ADAMTS14: variants seen among roughly 807,000 people sequenced by gnomAD.
ADAMTS14 encodes the protein ADAM metallopeptidase with thrombospondin type 1 motif 14, also known as A disintegrin and metalloproteinase with thrombospondin motifs 14.
Under a neutral mutation model 128.6 loss-of-function variants are expected in ADAMTS14, and 100 were observed. The observed-to-expected ratio is 0.78, with a 90% CI of 0.66 to 0.92. The LOEUF is 0.92. Among genes scored for constraint, ADAMTS14 ranks in the 40% least tolerant of loss-of-function variants. ADAMTS14 has a pLI of 0.00. For missense variants in ADAMTS14, 1,562 were observed against 1,658.6 expected, an observed-to-expected ratio of 0.94 and a Z score of 1.01; for synonymous variants, 665 against 653.8, an observed-to-expected ratio of 1.02 and a Z score of -0.26.
intron 9 of ADAMTS14, among the ~76,000 whole-genome samples, chr10:70,736,207 C>T (rs1208520161): frequency 6.6e-6 from 1 of 152,202 alleles, no homozygotes; most frequent in African/African-American, 2.4e-5. Flanking sequence ...GGTCATCAAC[C>T]TCTGGCATGG....
At chr10:70,700,048 A>G (rs185772943) in intron 2 of ADAMTS14, among the ~76,000 whole-genome samples, 1 of 152,162 alleles carries the variant, frequency 6.6e-6, no homozygotes, top group Admixed American at 6.5e-5. Flanking sequence ...GGGATAAATC[A>G]TGCAGGGCTT....
rs569361877 is a variant in ADAMTS14, at chr10:70,704,003, C to T, written c.679+1535C>T. Among the ~76,000 whole-genome samples, 6 of 152,192 alleles carry T rather than the reference C, an allele frequency of 3.9e-5. 1 individual carries two copies. Among genetic ancestry groups the T allele is most frequent in the Admixed American group, 1.3e-4 (2 of 15,286 alleles). On this transcript the variant is annotated intron_variant, in intron 3 of 21. Transcript: ENST00000373207. ...CAGTGTGGGGAGAAGCATTTCTAGG[C>T]GTGCCTGTCTCCATTTCACAGCTTG...
intron 7 of ADAMTS14, 48 bp downstream of exon 7, chr10:70,732,407 C>T (rs773633054): frequency 2.0e-6 from 3 of 1,504,118 alleles, no homozygotes; most frequent in South Asian, 2.3e-5. Flanking sequence ...GTGCCGTGAG[C>T]TCCAGGGAAT....
At chr10:70,746,469 G>A (rs1023426493) in intron 15 of ADAMTS14, among the ~76,000 whole-genome samples, 1 of 152,130 alleles carries the variant, frequency 6.6e-6, no homozygotes, top group Non-Finnish European at 1.5e-5. Context: ...TCTTTTTGGG[G>A]CGATGAAAAT....
In ADAMTS14 at chr10:70,730,126, A is replaced by T. The variant is rs1207980794; in HGVS notation, c.979A>T (p.Asn327Tyr). 6.2e-7 allele frequency: 1 copy of T among 1,609,108 alleles called. No homozygotes were observed. Among genetic ancestry groups the T allele is most frequent in the Non-Finnish European group, 8.5e-7 (1 of 1,179,356 alleles). Residue 327 changes from asparagine (N) to tyrosine (Y), a missense_variant, in exon 6 of 22, where the codon AAC becomes TAC. By Grantham distance (143) the Asn-to-Tyr change is moderately radical (BLOSUM62 -2). Coordinates refer to ENST00000373207, the MANE Select transcript of ADAMTS14 (RefSeq NM_080722.4). ...RQSLSLIERGNPSRSLEQVCR... is the reference protein window; with the variant it reads ...RQSLSLIERGYPSRSLEQVCR... ...GTCCCTGAGCCTGATCGAGCGCGGG[A>T]ACCCCTCACGCAGCCTGGAGCAGGT...
chr10:70,687,106 G>T lies in ADAMTS14; in HGVS notation c.522+12111G>T, dbSNP rs1385254311. Among the ~76,000 whole-genome samples, 5 of 125,486 alleles carry T rather than the reference G, an allele frequency of 4.0e-5. No individual in the cohort carries two copies. The South Asian group carries it at 1.1e-3, about 29-fold the overall frequency. The allele number at this position is 125,486 out of a possible 152,430, so 82.3% of individuals were successfully genotyped here. A position where few individuals can be genotyped will look rare whatever the true frequency, so the allele number is the denominator to read the frequency against. ...GGACGGGGCGGCTGGCCGGGCAGAG[G>T]GGCTCCTCACTTCCCAGTAGGGGCG... On this transcript the variant is annotated intron_variant, in intron 2 of 21. Transcript: ENST00000373207.
At chr10:70,703,777 G>A (rs1184454597) in intron 3 of ADAMTS14, among the ~76,000 whole-genome samples, 1 of 152,228 alleles carries the variant, frequency 6.6e-6, no homozygotes. Flanking sequence ...TGAGACCACT[G>A]AGCACACGGA....
Position 70,723,727 on chromosome 10 carries a change from T to G in ADAMTS14, c.871-5567T>G, listed in dbSNP as rs541992821. 1.1e-4 allele frequency among the ~76,000 whole-genome samples: 16 copies of G among 152,294 alleles called. No homozygotes were observed. The South Asian group carries it at 3.3e-3, about 32-fold the overall frequency. ...GCACTGGCCTCCACCTCTCCCTGTT[T>G]AAGACCTGCCCGAGCCTGGCTACCA... On this transcript the variant is annotated intron_variant, in intron 4 of 21. Transcript: ENST00000373207.
chr10:70,702,537 G>C, intron 3 of ADAMTS14, 69 bp downstream of exon 3: 3 of 1,523,722 alleles, frequency 2.0e-6, no homozygotes, highest in Middle Eastern at 1.8e-4. Context: ...GGTCACTTCT[G>C]TCCTTAAGCT....
At chr10:70,722,557 T>C (rs1841304674) in intron 4 of ADAMTS14, among the ~76,000 whole-genome samples, 1 of 152,140 alleles carries the variant, frequency 6.6e-6, no homozygotes, top group South Asian at 2.1e-4. Flanking sequence ...TTGGAGGTCC[T>C]TGGAGAAATG....
chr10:70,761,140 T>G lies in ADAMTS14; in HGVS notation c.*287T>G. ...CCCCTGCCAAGACCAGGGTCAACTA[T>G]TGCTCCCTCCTCACAGACCCTGGGC... On this transcript the variant is annotated 3_prime_UTR_variant, in exon 22 of 22. Transcript: ENST00000373207. 3.2e-5 allele frequency: 11 copies of G among 347,472 alleles called. No homozygotes were observed. Among genetic ancestry groups the G allele is most frequent in the Non-Finnish European group, 4.2e-5 (8 of 192,074 alleles). The allele number at this position is 347,472 out of a possible 1,614,324, so 21.5% of individuals were successfully genotyped here.
chr10:70,701,232 G>T (rs953092410), intron 2 of ADAMTS14, among the ~76,000 whole-genome samples: 4 of 152,222 alleles, frequency 2.6e-5, no homozygotes, highest in African/African-American at 4.8e-5. Context: ...AAAATGGGTG[G>T]AATGGAGTTG....
chr10:70,744,586 C>G (rs943211688), intron 14 of ADAMTS14, among the ~76,000 whole-genome samples: 2 of 152,168 alleles, frequency 1.3e-5, no homozygotes, highest in Non-Finnish European at 2.9e-5. Context: ...AAACCTGTGG[C>G]ACTTTCTGCT....
chr10:70,728,191 G>A (rs1046536646), intron 4 of ADAMTS14, among the ~76,000 whole-genome samples: 4 of 151,978 alleles, frequency 2.6e-5, no homozygotes, highest in African/African-American at 7.3e-5. Context: ...GCCTATGCCC[G>A]GTCAAGATTA....
chr10:70,680,089 T>C, intron 2 of ADAMTS14, among the ~76,000 whole-genome samples: 1 of 152,234 alleles, frequency 6.6e-6, no homozygotes, highest in East Asian at 1.9e-4. Context: ...GTGAATTATA[T>C]GGTATGTTAT....
chr10:70,709,121 C>CT (rs1337667708), intron 4 of ADAMTS14, among the ~76,000 whole-genome samples: 1 of 152,162 alleles, frequency 6.6e-6, no homozygotes, highest in Non-Finnish European at 1.5e-5. Flanking sequence ...TCAGGCGTGG[C>CT]CTGGAGCCTT....
In ADAMTS14 at chr10:70,745,237, C is replaced by T; in HGVS notation, c.2194C>T (p.Leu732=). Residue 732 remains leucine (L), a synonymous_variant, in exon 15 of 22, where the codon CTG becomes TTG. Transcript: ENST00000373207. The part of the protein sequence containing the change: ...KASKQAGALK[L]VQIPAGARHI... ...CCTGTGTGTGGCAGGAGCTCTCAAG[C>T]TGGTGCAGATCCCAGCAGGTGCCAG... 1 of 1,612,034 alleles carries T rather than the reference C, an allele frequency of 6.2e-7. No individual in the cohort carries two copies.
At chr10:70,675,037 C>T (rs1181715778) in intron 2 of ADAMTS14, 42 bp downstream of exon 2, 14 of 1,592,108 alleles carry the variant, frequency 8.8e-6, no homozygotes, top group South Asian at 1.1e-5. Flanking sequence ...CTCCCCCTCC[C>T]ATGCCCTGCT....
intron 12 of ADAMTS14, among the ~76,000 whole-genome samples, chr10:70,741,563 G>T (rs970504331): frequency 6.6e-6 from 1 of 152,174 alleles, no homozygotes; most frequent in Non-Finnish European, 1.5e-5. Context: ...CGCCCTTCCC[G>T]TTGCATGACC....
Sources: gnomAD v4.1 joint callset for allele counts (sites outside exome capture counted in the v4.1 genomes callset) on GRCh38, gnomAD v4.1.1 for gene constraint, MANE v1.5 for transcripts, NCBI Gene and HGNC (gene_info 2026-07-23, HGNC 2026-07-21) for gene names.